The following SNRPC variants were observed in gnomAD, a reference collection of about 807,000 sequenced individuals.
The protein encoded by SNRPC is small nuclear ribonucleoprotein polypeptide C.
SNRPC carries 5 observed loss-of-function variants against 20.0 expected under a neutral mutation model. That is an observed-to-expected ratio of 0.25 (90% CI 0.13 to 0.53). The LOEUF is 0.53. Among genes scored for constraint, SNRPC ranks in the 20% least tolerant of loss-of-function variants. The pLI is 0.96. For synonymous variants in SNRPC, 61 were observed against 58.7 expected (o/e 1.04, Z -0.18); for missense variants, 112 against 224.1 (o/e 0.50, Z 3.19).
chr6:34,757,717 G>A, intron 1 of SNRPC, 166 bp downstream of exon 1: 1 of 1,438,688 alleles, frequency 7.0e-7, no homozygotes, highest in Non-Finnish European at 9.6e-7. Flanking sequence ...CCATTTTAGA[G>A]TGCAGATGGA....
intron 3 of SNRPC, among the ~76,000 whole-genome samples, chr6:34,764,026 T>A (rs1432749315): frequency 6.6e-6 from 1 of 151,204 alleles, no homozygotes; most frequent in Non-Finnish European, 1.5e-5. Context: ...AAAATTTTTT[T>A]AAAAATTAAA....
chr6:34,770,341 C>T lies in SNRPC; in HGVS notation c.301C>T (p.Pro101Ser). Residue 101 changes from proline (P) to serine (S), a missense_variant, in exon 5 of 6, where the codon CCC becomes TCC. Around this residue, in one of 3 missense-constraint regions of SNRPC, gnomAD observed 57 missense variants for 121.0 expected, o/e 0.47. Coordinates refer to ENST00000244520, the MANE Select transcript of SNRPC (RefSeq NM_003093.3). ...MMPAPHMGGP[P>S]MMPMMGPPPP... The stretch of plus-strand genomic sequence containing the variant: ...GCCAGCACCCCATATGGGGGGCCCT[C>T]CCATGATGCCAATGATGGGCCCTCC... 1 of 1,613,768 alleles carries T rather than the reference C, an allele frequency of 6.2e-7. No homozygotes were observed. The highest frequency in any genetic ancestry group is 1.1e-5 in the South Asian group (1 of 91,076).
intron 5 of SNRPC, among the ~76,000 whole-genome samples, chr6:34,771,092 G>T (rs1764684602): frequency 6.6e-6 from 1 of 152,158 alleles, no homozygotes; most frequent in South Asian, 2.1e-4. Context: ...ACTTTGGGAG[G>T]CCAAGGCAGG....
At chr6:34,770,899 G>A (rs544201439) in intron 5 of SNRPC, among the ~76,000 whole-genome samples, 1 of 152,296 alleles carries the variant, frequency 6.6e-6, no homozygotes, top group East Asian at 1.9e-4. Flanking sequence ...ATATTAAAAA[G>A]GCTTTCAGCC....
rs1764468117 is a variant in SNRPC at position 34,757,534 on chromosome 6, G to C, written c.-10G>C. 6.2e-7 allele frequency: 1 copy of C among 1,613,578 alleles called. No homozygotes were observed. The highest frequency in any genetic ancestry group is 1.3e-5 in the African/African-American group (1 of 75,034). Reference sequence around the variant, plus strand: ...CACGTAACGGAGTGGCCAACGGCCTGCAGAGCAACATGCCCAAGTGAGTGG... The same window carrying C: ...CACGTAACGGAGTGGCCAACGGCCTCCAGAGCAACATGCCCAAGTGAGTGG... On this transcript the variant is annotated 5_prime_UTR_variant, in exon 1 of 6. Coordinates refer to ENST00000244520, the MANE Select transcript of SNRPC (RefSeq NM_003093.3).
At chr6:34,772,427 G>A (rs1190918246) in intron 5 of SNRPC, among the ~76,000 whole-genome samples, 3 of 152,114 alleles carry the variant, frequency 2.0e-5, no homozygotes, top group African/African-American at 7.2e-5. Flanking sequence ...GGGCTTTTAT[G>A]TCGTATTTAG....
At chr6:34,765,923 T>C (rs1007314651) in intron 3 of SNRPC, among the ~76,000 whole-genome samples, 8 of 151,858 alleles carry the variant, frequency 5.3e-5, no homozygotes, top group Admixed American at 6.6e-5. Flanking sequence ...AAATTTTTTA[T>C]AGAGATGGTG....
chr6:34,760,323 G>A (rs543695627), intron 2 of SNRPC, among the ~76,000 whole-genome samples: 3 of 151,890 alleles, frequency 2.0e-5, no homozygotes, highest in East Asian at 1.9e-4. Context: ...ATGAAAAAAC[G>A]GTCCCGCCTC....
Position 34,773,015 on chromosome 6 carries a change from T to C in SNRPC, c.356-431T>C. ...CCGAACAAACGCTTAGTGGTAAGAT[T>C]GTCCTCTGTGCCTGTGTACATTCAT... On this transcript the variant is annotated intron_variant, in intron 5 of 5. Coordinates refer to ENST00000244520, the MANE Select transcript of SNRPC (RefSeq NM_003093.3). This position sits in a 1 kb window ranked among gnomAD's most constrained non-coding sequence, Gnocchi z 4.1. 6.3e-6 allele frequency: 1 copy of C among 158,884 alleles called. No individual in the cohort carries two copies. Among genetic ancestry groups the C allele is most frequent in the Admixed American group, 6.1e-5 (1 of 16,452 alleles). The allele number at this position is 158,884 out of a possible 1,614,324, so 9.8% of individuals were successfully genotyped here.
At chr6:34,772,221 G>T (rs951489676) in intron 5 of SNRPC, among the ~76,000 whole-genome samples, 1 of 152,116 alleles carries the variant, frequency 6.6e-6, no homozygotes, top group Non-Finnish European at 1.5e-5. Flanking sequence ...TACTATTCTT[G>T]TGTATGTTTG....
At position 34,762,635 on chromosome 6, in the gene SNRPC, A is replaced by G; in HGVS notation, c.92A>G (p.Lys31Arg). 6.2e-7 allele frequency: 1 copy of G among 1,605,822 alleles called. No homozygotes were observed. The highest frequency in any genetic ancestry group is 8.5e-7 in the Non-Finnish European group (1 of 1,172,422). ...ACACACTGCAGTGGAAGGAAACACA[A>G]AGAGAATGTGAAAGACTATTATCAG... ...RKTHCSGRKH[K>R]ENVKDYYQKW... The change falls in exon 3 of 6, where the codon AAA becomes AGA. Residue 31 changes from lysine (K) to arginine (R), a missense_variant. Transcript: ENST00000244520.
chr6:34,757,988 C>A (rs376508953), intron 2 of SNRPC, 34 bp downstream of exon 2: 3 of 1,582,256 alleles, frequency 1.9e-6, no homozygotes, highest in Admixed American at 1.9e-5. Flanking sequence ...TTTCAAAAAG[C>A]CTTATGTGTA....
At chr6:34,772,961 T>C (rs1764707986) in intron 5 of SNRPC, 1 of 153,432 alleles carries the variant, frequency 6.5e-6, no homozygotes, top group Non-Finnish European at 1.5e-5. Context: ...GTTCTCAGCA[T>C]GGGCCTCCTG....
intron 2 of SNRPC, among the ~76,000 whole-genome samples, chr6:34,759,909 G>A (rs1455111451): frequency 6.6e-6 from 1 of 152,110 alleles, no homozygotes; most frequent in Non-Finnish European, 1.5e-5. Flanking sequence ...AGGCCTCACT[G>A]TGTTTCCCAG....
In SNRPC at chr6:34,773,628, A is replaced by G; in HGVS notation, c.*58A>G. The G allele has an allele frequency of 6.6e-7, 1 of 1,511,202 alleles. No homozygotes were observed. Among genetic ancestry groups the G allele is most frequent in the South Asian group, 1.1e-5 (1 of 87,554 alleles). 93.6% of individuals were successfully genotyped at this position (1,511,202 alleles called of 1,614,324 possible). On this transcript the variant is annotated 3_prime_UTR_variant, in exon 6 of 6. Coordinates refer to ENST00000244520, the MANE Select transcript of SNRPC (RefSeq NM_003093.3). The surrounding 1 kb of genome is among the most constrained non-coding windows in gnomAD (Gnocchi z 4.1). ...ATATTACCTGTTCTGCTTCACCAGG[A>G]GATCATGCTGCTGTGATACTGAGTT...
chr6:34,768,525 G>A (rs1409568240), intron 4 of SNRPC, among the ~76,000 whole-genome samples: 1 of 152,160 alleles, frequency 6.6e-6, no homozygotes, highest in African/African-American at 2.4e-5. Context: ...GCTGAGGTGG[G>A]TGGATCACCT....
chr6:34,772,876 G>A (rs1017467840), intron 5 of SNRPC: 3 of 152,048 alleles, frequency 2.0e-5, no homozygotes, highest in Non-Finnish European at 4.4e-5. Flanking sequence ...TCAGATTTTT[G>A]TGTGCGCTAA....
At chr6:34,768,320 A>G (rs1038983850) in intron 4 of SNRPC, among the ~76,000 whole-genome samples, 2 of 152,204 alleles carry the variant, frequency 1.3e-5, no homozygotes, top group African/African-American at 4.8e-5. Context: ...ATGAGCTAAT[A>G]CATGAATAGG....
In SNRPC at chr6:34,773,372, A is replaced by T; in HGVS notation, c.356-74A>T. 1 of 1,384,644 alleles carries T rather than the reference A, an allele frequency of 7.2e-7. No individual in the cohort carries two copies. The highest frequency in any genetic ancestry group is 9.9e-7 in the Non-Finnish European group (1 of 1,005,660). 85.8% of individuals were successfully genotyped at this position (1,384,644 alleles called of 1,614,324 possible). A position where few individuals can be genotyped will look rare whatever the true frequency, so the allele number is the denominator to read the frequency against. ...GGGCTACGTTTTTTGTTTTTAATTGAAGTCCCATCAAACTCTCCCTAAATC... is the reference window on the plus strand; with the variant it reads ...GGGCTACGTTTTTTGTTTTTAATTGTAGTCCCATCAAACTCTCCCTAAATC... On this transcript the variant is annotated intron_variant, in intron 5 of 5. Transcript: ENST00000244520. The surrounding 1 kb of genome is among the most constrained non-coding windows in gnomAD (Gnocchi z 4.1).
Sources: gnomAD v4.1 joint callset for allele counts (sites outside exome capture counted in the v4.1 genomes callset) on GRCh38, gnomAD v4.1.1 for gene constraint, gnomAD v4.1.1 regional missense constraint, Gnocchi (gnomAD v3.1) non-coding constraint, MANE v1.5 for transcripts, NCBI Gene and HGNC (gene_info 2026-07-23, HGNC 2026-07-21) for gene names.